IKZF2: variants seen among roughly 807,000 people sequenced by gnomAD.
The protein encoded by IKZF2 is zinc finger protein Helios.
Under a neutral mutation model 49.2 loss-of-function variants are expected in IKZF2, and 15 were observed. That is an observed-to-expected ratio of 0.30 (90% CI 0.20 to 0.47). The LOEUF is 0.47. IKZF2 is among the 20% of genes least tolerant of loss of function. The pLI is 1.00. For missense variants in IKZF2, 567 were observed against 664.6 expected, an observed-to-expected ratio of 0.85 and a Z score of 1.61; for synonymous variants, 227 against 221.4, an observed-to-expected ratio of 1.03 and a Z score of -0.23.
chr2:213,143,514 A>G (rs2060943959), intron 4 of IKZF2, among the ~76,000 whole-genome samples: 1 of 151,526 alleles, frequency 6.6e-6, no homozygotes, highest in Non-Finnish European at 1.5e-5. Flanking sequence ...TATGACATTT[A>G]TCTCTGATAC....
At chr2:213,128,804 C>CTTTTTTTTTTTTT (rs1184422126) in intron 4 of IKZF2, among the ~76,000 whole-genome samples, 185 of 113,126 alleles carry the variant, frequency 1.6e-3, no homozygotes, top group East Asian at 3.2e-3. Context: ...ATTTTTTTTT[C>CTTTTTTTTTTTTT]TTTTTTTTTT....
chr2:213,005,106 A>G lies in IKZF2; in HGVS notation c.*2254T>C, dbSNP rs1695217347. The stretch of plus-strand genomic sequence containing the variant: ...AAATGTTTCCTTAAATTGCAGTAAA[A>G]GACAAAATTGTGAACCTTAAAATTA... On this transcript the variant is annotated 3_prime_UTR_variant, in exon 9 of 9. Transcript: ENST00000434687. The G allele has an allele frequency of 6.6e-6, 1 of 151,032 alleles. No individual in the cohort carries two copies. The highest frequency in any genetic ancestry group is 1.5e-5 in the Non-Finnish European group (1 of 67,596). The allele number at this position is 151,032 out of a possible 1,614,324, so 9.4% of individuals were successfully genotyped here.
At chr2:213,097,589 CTA>C (rs1342566754) in intron 4 of IKZF2, among the ~76,000 whole-genome samples, 1 of 152,066 alleles carries the variant, frequency 6.6e-6, no homozygotes, top group East Asian at 1.9e-4. Context: ...CCTTGAGATT[CTA>C]TGACTTACAA....
intron 6 of IKZF2, among the ~76,000 whole-genome samples, chr2:213,047,986 G>A (rs532769672): frequency 2.6e-5 from 4 of 152,114 alleles, no homozygotes; most frequent in African/African-American, 9.6e-5. Flanking sequence ...TGAGCTTTCT[G>A]GCAACTTAGA....
intron 5 of IKZF2, among the ~76,000 whole-genome samples, chr2:213,055,747 A>G (rs6714640): frequency 0.26 from 39,316 of 151,838 alleles, 5,508 homozygotes; most frequent in Non-Finnish European, 0.29. Context: ...TCACTTGACT[A>G]TTTCTTCATG....
chr2:213,021,870 A>G (rs1697257261), intron 7 of IKZF2, 123 bp downstream of exon 7: 3 of 1,023,608 alleles, frequency 2.9e-6, no homozygotes, highest in Admixed American at 5.5e-5. Flanking sequence ...ATGTATCCCA[A>G]AGCTCAACTC....
intron 6 of IKZF2, among the ~76,000 whole-genome samples, chr2:213,038,530 CA>C (rs2125244768): frequency 6.6e-6 from 1 of 151,402 alleles, no homozygotes; most frequent in Admixed American, 6.6e-5. Context: ...AAACATTTTG[CA>C]TGATACATAC....
Position 213,002,710 on chromosome 2 carries a change from T to G in IKZF2, c.*4650A>C, listed in dbSNP as rs1476454021. The G allele has an allele frequency of 6.6e-6, 1 of 151,952 alleles. No individual in the cohort carries two copies. Among genetic ancestry groups the G allele is most frequent in the Non-Finnish European group, 1.5e-5 (1 of 67,548 alleles). 9.4% of individuals were successfully genotyped at this position (151,952 alleles called of 1,614,324 possible). ...TGTTCAAGGAGAATTAATTACCTGC[T>G]TTTTCACATTATTCCATCAATTTTC... On this transcript the variant is annotated 3_prime_UTR_variant, in exon 9 of 9. Transcript: ENST00000434687.
intron 4 of IKZF2, among the ~76,000 whole-genome samples, chr2:213,127,416 AC>A (rs890048296): frequency 8.5e-5 from 13 of 152,194 alleles, no homozygotes; most frequent in Non-Finnish European, 1.8e-4. Flanking sequence ...AGTAAATAGC[AC>A]TTTTACTAAA....
chr2:213,096,680 C>T (rs1706034854), intron 4 of IKZF2, among the ~76,000 whole-genome samples: 1 of 151,884 alleles, frequency 6.6e-6, no homozygotes, highest in Non-Finnish European at 1.5e-5. Context: ...AATCTGTCTG[C>T]ATTTCTAACA....
At chr2:213,064,476 C>T (rs1701991210) in intron 4 of IKZF2, among the ~76,000 whole-genome samples, 1 of 152,000 alleles carries the variant, frequency 6.6e-6, no homozygotes, top group African/African-American at 2.4e-5. Flanking sequence ...TGATCCTGCA[C>T]ACTCCATGAA....
chr2:213,108,049 A>G (rs1013253446), intron 4 of IKZF2, among the ~76,000 whole-genome samples: 3 of 152,118 alleles, frequency 2.0e-5, no homozygotes, highest in African/African-American at 4.8e-5. Flanking sequence ...GTCAATGTAA[A>G]CTTGGGAAAA....
chr2:213,094,893 C>T (rs1294843385), intron 4 of IKZF2, among the ~76,000 whole-genome samples: 2 of 151,888 alleles, frequency 1.3e-5, no homozygotes, highest in Non-Finnish European at 2.9e-5. Flanking sequence ...AATCTGATTC[C>T]AAGATTTCAA....
chr2:213,075,940 C>A (rs1403877033), intron 4 of IKZF2, among the ~76,000 whole-genome samples: 1 of 152,122 alleles, frequency 6.6e-6, no homozygotes, highest in Admixed American at 6.5e-5. Context: ...CACCACCACA[C>A]TCTACCAAAT....
chr2:213,021,522 A>C (rs1697214431), intron 7 of IKZF2: 3 of 268,762 alleles, frequency 1.1e-5, no homozygotes, highest in African/African-American at 6.9e-5. Flanking sequence ...TTTTGTGGAG[A>C]GAGATGGTGT....
intron 6 of IKZF2, among the ~76,000 whole-genome samples, chr2:213,034,079 T>A (rs922981043): frequency 6.6e-6 from 1 of 152,250 alleles, no homozygotes; most frequent in Non-Finnish European, 1.5e-5. Context: ...TTAAACCTCA[T>A]GAACCAACCT....
At chr2:213,135,217 G>A (rs115208074) in intron 4 of IKZF2, among the ~76,000 whole-genome samples, 3,335 of 152,238 alleles carry the variant, frequency 0.022, 132 homozygotes, top group African/African-American at 0.076. Flanking sequence ...GAAAATCTAT[G>A]TTTTAACTCA....
intron 6 of IKZF2, among the ~76,000 whole-genome samples, chr2:213,028,084 G>C (rs1698009573): frequency 6.6e-6 from 1 of 152,038 alleles, no homozygotes; most frequent in Admixed American, 6.6e-5. Context: ...TATGGCATAA[G>C]AGTCTTAGAC....
intron 4 of IKZF2, among the ~76,000 whole-genome samples, chr2:213,106,437 G>A (rs1400618776): frequency 6.6e-6 from 1 of 151,916 alleles, no homozygotes; most frequent in African/African-American, 2.4e-5. Flanking sequence ...CCAAGTGTTT[G>A]AGACCAGCCT....
Sources: allele counts gnomAD v4.1 joint callset (sites outside exome capture counted in the v4.1 genomes callset), GRCh38; gene constraint gnomAD v4.1.1; transcripts MANE v1.5; gene names NCBI Gene and HGNC (gene_info 2026-07-23, HGNC 2026-07-21).